CDK2AP1: variants seen among roughly 807,000 people sequenced by gnomAD.
The protein encoded by CDK2AP1 is cyclin dependent kinase 2 associated protein 1, also known as cyclin-dependent kinase 2-associated protein 1.
A neutral mutation model predicts 14.1 loss-of-function variants in CDK2AP1; 10 were observed. The observed-to-expected ratio is 0.71, with a 90% CI of 0.44 to 1.20. The LOEUF is 1.20. Ranked by LOEUF, CDK2AP1 falls within the 50% of genes most tolerant of loss-of-function variation. CDK2AP1 has a pLI of 0.00. For missense variants in CDK2AP1, 102 were observed against 149.9 expected (o/e 0.68, Z 1.67); for synonymous variants, 59 against 59.8 (o/e 0.99, Z 0.06).
intron 1 of CDK2AP1, chr12:123,270,243 AAC>A (rs1393921236): frequency 1.0e-6 from 1 of 978,498 alleles, no homozygotes; most frequent in African/African-American, 1.8e-5. Flanking sequence ...TTGAGAAAAA[AAC>A]AGTGGCTGTT....
Position 123,271,626 on chromosome 12 carries a change from G to C in CDK2AP1, c.-8C>G. On this transcript the variant is annotated 5_prime_UTR_variant, in exon 1 of 4. Transcript: ENST00000261692. Reference sequence around the variant, plus strand: ...GTTCGGTTTGTAAGACATCCCCCCGGGCGGCGGGCGCGCCGGGCGCGGCGG... The same window carrying C: ...GTTCGGTTTGTAAGACATCCCCCCGCGCGGCGGGCGCGCCGGGCGCGGCGG... 1 of 988,162 alleles carries C rather than the reference G, an allele frequency of 1.0e-6. No individual in the cohort carries two copies. Among genetic ancestry groups the C allele is most frequent in the Non-Finnish European group, 1.2e-6 (1 of 832,672 alleles). 61.2% of individuals were successfully genotyped at this position (988,162 alleles called of 1,614,324 possible). A position where few individuals can be genotyped will look rare whatever the true frequency, so the allele number is the denominator to read the frequency against.
At chr12:123,263,507 C>T (rs1037106790) in intron 3 of CDK2AP1, among the ~76,000 whole-genome samples, 4 of 152,152 alleles carry the variant, frequency 2.6e-5, no homozygotes, top group Non-Finnish European at 5.9e-5. Context: ...AGCATCTTCC[C>T]AGGAATTTCC....
At chr12:123,266,178 C>T (rs1169382897) in intron 2 of CDK2AP1, among the ~76,000 whole-genome samples, 3 of 152,236 alleles carry the variant, frequency 2.0e-5, no homozygotes, top group African/African-American at 7.2e-5. Flanking sequence ...CCGCCTCTGT[C>T]CCCTGGCCTC....
Position 123,271,630 on chromosome 12 carries a change from G to C in CDK2AP1, c.-12C>G, listed in dbSNP as rs771819035. 10 of 986,340 alleles carry C rather than the reference G, an allele frequency of 1.0e-5. No individual in the cohort carries two copies. In the South Asian group the frequency reaches 4.5e-4, roughly 44 times the overall value. The allele number at this position is 986,340 out of a possible 1,614,324, so 61.1% of individuals were successfully genotyped here. On this transcript the variant is annotated 5_prime_UTR_variant, in exon 1 of 4. Coordinates refer to ENST00000261692, the MANE Select transcript of CDK2AP1 (RefSeq NM_004642.4). ...GGTTTGTAAGACATCCCCCCGGGCG[G>C]CGGGCGCGCCGGGCGCGGCGGGGCC...
chr12:123,264,046 T>G (rs1593294639), intron 3 of CDK2AP1, among the ~76,000 whole-genome samples: 1 of 151,020 alleles, frequency 6.6e-6, no homozygotes, highest in African/African-American at 2.4e-5. Flanking sequence ...GAGGCGGAGG[T>G]TGCAGTGGGC....
At chr12:123,272,024 C>G (rs2138828286), upstream of CDK2AP1, 1 of 148,312 alleles carries the variant, frequency 6.7e-6, no homozygotes. Context: ...CGCGTCCGGG[C>G]GGCTGCCCCG....
At chr12:123,268,059 G>C (rs1163873028) in intron 1 of CDK2AP1, 1 of 441,122 alleles carries the variant, frequency 2.3e-6, no homozygotes, top group Non-Finnish European at 3.0e-6. Context: ...GGATCTGGCA[G>C]GGGAGTCCGT....
chr12:123,263,703 G>A (rs1379095349), intron 3 of CDK2AP1, among the ~76,000 whole-genome samples: 1 of 152,168 alleles, frequency 6.6e-6, no homozygotes, highest in Non-Finnish European at 1.5e-5. Flanking sequence ...ATAAACTCCA[G>A]AGCAACCCCG....
rs764296118 is a variant in CDK2AP1, at chr12:123,261,629, C to T, written c.*107G>A. 28 of 923,580 alleles carry T rather than the reference C, an allele frequency of 3.0e-5. No homozygotes were observed. The highest frequency in any genetic ancestry group is 2.9e-4 in the Middle Eastern group (1 of 3,420). The allele number at this position is 923,580 out of a possible 1,614,324, so 57.2% of individuals were successfully genotyped here. On this transcript the variant is annotated 3_prime_UTR_variant, in exon 4 of 4. Coordinates refer to ENST00000261692, the MANE Select transcript of CDK2AP1 (RefSeq NM_004642.4). ...GCCAAGTGAACCATGGGAGGAAAAA[C>T]GAAACTGTAACCATTTTGAAAACAA...
chr12:123,266,116 A>G (rs1349237903), intron 2 of CDK2AP1, among the ~76,000 whole-genome samples: 2 of 152,062 alleles, frequency 1.3e-5, no homozygotes, highest in Non-Finnish European at 2.9e-5. Flanking sequence ...ACCTCCTCCC[A>G]TAGACACGCC....
chr12:123,269,020 G>C (rs2048328425), intron 1 of CDK2AP1: 1 of 152,262 alleles, frequency 6.6e-6, no homozygotes, highest in Non-Finnish European at 1.5e-5. Context: ...TGGCAGGAGG[G>C]GTGCTGGCCA....
chr12:123,271,118 C>G, intron 1 of CDK2AP1: 1 of 743,280 alleles, frequency 1.3e-6, no homozygotes, highest in Non-Finnish European at 1.6e-6. Flanking sequence ...CAGCGCCCCC[C>G]GCCCGGGCTG....
At chr12:123,266,604 G>A (rs113808274) in intron 2 of CDK2AP1, among the ~76,000 whole-genome samples, 5 of 152,244 alleles carry the variant, frequency 3.3e-5, no homozygotes, top group African/African-American at 1.2e-4. Context: ...CGCCAGCCTG[G>A]GCTGGGGGTA....
At chr12:123,267,105 C>T (rs139007866) in intron 2 of CDK2AP1, 80 bp downstream of exon 2, 2 of 897,060 alleles carry the variant, frequency 2.2e-6, no homozygotes, top group Non-Finnish European at 3.8e-6. Flanking sequence ...TTCGTCTCTT[C>T]CACCAACTTC....
At chr12:123,263,746 C>T (rs2048258038) in intron 3 of CDK2AP1, among the ~76,000 whole-genome samples, 1 of 152,236 alleles carries the variant, frequency 6.6e-6, no homozygotes, top group Non-Finnish European at 1.5e-5. Context: ...AACTGGCCCT[C>T]GTGTCACTGG....
chr12:123,267,566 A>C, intron 1 of CDK2AP1: 2 of 369,396 alleles, frequency 5.4e-6, no homozygotes, highest in Non-Finnish European at 5.2e-6. Context: ...CCAAAGATAA[A>C]ATTATTGCCA....
intron 3 of CDK2AP1, chr12:123,262,500 C>G (rs182454277): frequency 5.3e-5 from 8 of 152,348 alleles, no homozygotes; most frequent in African/African-American, 1.9e-4. Flanking sequence ...AACTCAGAGC[C>G]TTGGAGAATG....
chr12:123,263,106 C>T (rs1244981306), intron 3 of CDK2AP1, among the ~76,000 whole-genome samples: 2 of 149,404 alleles, frequency 1.3e-5, no homozygotes, highest in African/African-American at 4.9e-5. Context: ...CCCAGCTACT[C>T]GGGAGGCTGA....
At chr12:123,268,442 G>C (rs911821864) in intron 1 of CDK2AP1, among the ~76,000 whole-genome samples, 1 of 152,240 alleles carries the variant, frequency 6.6e-6, no homozygotes, top group African/African-American at 2.4e-5. Context: ...GTGGCCCCAG[G>C]GCACACAGCA....
Sources: gnomAD v4.1 joint callset for allele counts (sites outside exome capture counted in the v4.1 genomes callset) on GRCh38, gnomAD v4.1.1 for gene constraint, MANE v1.5 for transcripts, NCBI Gene and HGNC (gene_info 2026-07-23, HGNC 2026-07-21) for gene names.